Variants in CNKSR3 observed in about 807,000 individuals in gnomAD.
CNKSR3 encodes connector enhancer of kinase suppressor of ras 3.
A neutral mutation model predicts 67.7 loss-of-function variants in CNKSR3; 36 were observed. The observed-to-expected ratio is 0.53, with a 90% confidence interval of 0.41 to 0.70. The LOEUF is 0.70. Ranked by LOEUF, CNKSR3 falls within the 30% of genes least tolerant of loss-of-function variation. The pLI is 0.00. For missense variants in CNKSR3, 630 were observed against 695.2 expected, an observed-to-expected ratio of 0.91 and a Z score of 1.05; for synonymous variants, 281 against 271.4, an observed-to-expected ratio of 1.04 and a Z score of -0.35.
chr6:154,457,624 T>C (rs542798554), intron 1 of CNKSR3, among the ~76,000 whole-genome samples: 4 of 152,308 alleles, frequency 2.6e-5, no homozygotes, highest in Non-Finnish European at 5.9e-5. Context: ...CATTCTGTTC[T>C]GTCATTTGTC....
rs528794873 is a variant in CNKSR3, at chr6:154,475,432, G to A, written c.53-25174C>T. ...CATGAAGTTTTCACGCCCCCTCCCC[G>A]GTGGAAATGGTCACCTCCTCCATCT... On this transcript the variant is annotated intron_variant, in intron 1 of 12. Coordinates refer to ENST00000607772, the MANE Select transcript of CNKSR3 (RefSeq NM_173515.4). 1.1e-4 allele frequency among the ~76,000 whole-genome samples: 16 copies of A among 152,172 alleles called. No individual in the cohort carries two copies. The South Asian group carries it at 1.2e-3, about 12-fold the overall frequency.
intron 1 of CNKSR3, among the ~76,000 whole-genome samples, chr6:154,492,615 G>A (rs1786801941): frequency 6.6e-6 from 1 of 151,888 alleles, no homozygotes; most frequent in Non-Finnish European, 1.5e-5. Flanking sequence ...GCGTGATGAT[G>A]CATACCTGTA....
At chr6:154,429,416 C>A (rs1426211715) in intron 6 of CNKSR3, among the ~76,000 whole-genome samples, 1 of 152,212 alleles carries the variant, frequency 6.6e-6, no homozygotes, top group East Asian at 1.9e-4. Flanking sequence ...CTCCCCCTCC[C>A]AGGGCATTGC....
chr6:154,486,313 T>TTTA (rs1786664748), intron 1 of CNKSR3, among the ~76,000 whole-genome samples: 1 of 150,838 alleles, frequency 6.6e-6, no homozygotes, highest in African/African-American at 2.4e-5. Flanking sequence ...TTTTTTTTTT[T>TTTA]TAGACGGAGT....
At chr6:154,414,685 C>G (rs778582496) in intron 9 of CNKSR3, 1 of 574,058 alleles carries the variant, frequency 1.7e-6, no homozygotes. Context: ...GACTCTAGCT[C>G]TGAGCAAATC....
intron 2 of CNKSR3, among the ~76,000 whole-genome samples, chr6:154,444,905 G>A (rs911207685): frequency 6.6e-6 from 1 of 152,104 alleles, no homozygotes; most frequent in Non-Finnish European, 1.5e-5. Flanking sequence ...GCACCCGGCT[G>A]TGGAGAAACT....
At chr6:154,419,997 G>A (rs1319584845) in intron 9 of CNKSR3, among the ~76,000 whole-genome samples, 3 of 152,030 alleles carry the variant, frequency 2.0e-5, no homozygotes, top group South Asian at 2.1e-4. Flanking sequence ...CAGGAGAATC[G>A]CTTGAACCTG....
In CNKSR3 at chr6:154,415,448, C is replaced by G. The variant is rs565691223; in HGVS notation, c.946-1025G>C. 2.0e-5 allele frequency among the ~76,000 whole-genome samples: 3 copies of G among 152,180 alleles called. No homozygotes were observed. The South Asian group carries it at 6.2e-4, about 32-fold the overall frequency. ...GTTTTGCCATGTTGGCCAGGCTGGT[C>G]TCAAACTCCTGACCACAGGTGATCC... On this transcript the variant is annotated intron_variant, in intron 9 of 12. Transcript: ENST00000607772.
intron 1 of CNKSR3, among the ~76,000 whole-genome samples, chr6:154,490,056 CT>C (rs752268478): frequency 1.3e-5 from 2 of 152,004 alleles, no homozygotes; most frequent in Non-Finnish European, 2.9e-5. Flanking sequence ...ACTCCCATCT[CT>C]TTTTTTTAGC....
chr6:154,461,523 C>T (rs1439490175), intron 1 of CNKSR3, among the ~76,000 whole-genome samples: 2 of 152,206 alleles, frequency 1.3e-5, no homozygotes, highest in South Asian at 4.1e-4. Context: ...GGCCTGGATT[C>T]AGCTCTACCA....
At position 154,392,726 on chromosome 6, in the gene CNKSR3, G is replaced by C. The variant is rs36077367; in HGVS notation, c.*13628C>G. The C allele has an allele frequency of 0.11, 16,253 of 152,304 alleles. 1,174 individuals are homozygous for C. Among genetic ancestry groups the C allele is most frequent in the Admixed American group, 0.24 (3,680 of 15,290 alleles). The allele number at this position is 152,304 out of a possible 1,614,324, so 9.4% of individuals were successfully genotyped here. ...GATGTTTGGGGAACAAGGAGCCCTT[G>C]CCTCCCCTGACGGCAGCAGCAGAAT... On this transcript the variant is annotated 3_prime_UTR_variant, in exon 13 of 13. Transcript: ENST00000607772.
intron 4 of CNKSR3, among the ~76,000 whole-genome samples, chr6:154,439,290 C>G (rs1785534375): frequency 6.6e-6 from 1 of 152,158 alleles, no homozygotes; most frequent in African/African-American, 2.4e-5. Flanking sequence ...ACTCTGGTAT[C>G]CCAGGGCAGC....
At chr6:154,411,526 T>C (rs140914697) in intron 10 of CNKSR3, among the ~76,000 whole-genome samples, 2,649 of 149,876 alleles carry the variant, frequency 0.018, 85 homozygotes, top group African/African-American at 0.062. Flanking sequence ...AGGAGCTACT[T>C]GGGAGACTGA....
At position 154,410,881 on chromosome 6, in the gene CNKSR3, G is replaced by A. The variant is rs1490357440; in HGVS notation, c.1279+53C>T. 73 of 1,398,920 alleles carry A rather than the reference G, an allele frequency of 5.2e-5. 2 individuals are homozygous for A. In the South Asian group the frequency reaches 5.4e-4, roughly 10 times the overall value. The allele number at this position is 1,398,920 out of a possible 1,614,324, so 86.7% of individuals were successfully genotyped here. ...AACAGTTCCAACTAAGGCAGGGGGC[G>A]GGGAGGAGAAGTCAAGGCCAACGGC... On this transcript the variant is annotated intron_variant, in intron 11 of 12. Coordinates refer to ENST00000607772, the MANE Select transcript of CNKSR3 (RefSeq NM_173515.4).
chr6:154,441,448 TA>T, intron 3 of CNKSR3, 69 bp from the exon 4 acceptor site: 14 of 1,098,036 alleles, frequency 1.3e-5, no homozygotes, highest in African/African-American at 1.5e-5. Context: ...TGGATGTTGG[TA>T]AGCATAGCTA....
chr6:154,448,230 T>TA (rs757996759), intron 2 of CNKSR3, among the ~76,000 whole-genome samples: 9 of 152,198 alleles, frequency 5.9e-5, no homozygotes, highest in Non-Finnish European at 8.8e-5. Context: ...AGGCAGCTGT[T>TA]ACGTTTATCA....
At chr6:154,484,097 G>C (rs1786618673) in intron 1 of CNKSR3, among the ~76,000 whole-genome samples, 1 of 152,080 alleles carries the variant, frequency 6.6e-6, no homozygotes, top group African/African-American at 2.4e-5. Context: ...TCTAGTCTAG[G>C]TCCTGCCACT....
rs199941820 is a variant in CNKSR3 at position 154,503,770 on chromosome 6, AC to A, written c.52+6292del. On this transcript the variant is annotated intron_variant, in intron 1 of 12. Transcript: ENST00000607772. ...AGGTGGTGCTTATAAATATAAGCAC[AC>A]ACCGTAAGACTGGTTTTTTACTTTA... Among the ~76,000 whole-genome samples the A allele has an allele frequency of 5.4e-3, 818 of 152,314 alleles. 7 individuals are homozygous for A. Among genetic ancestry groups the A allele is most frequent in the African/African-American group, 0.018 (769 of 41,572 alleles).
chr6:154,486,293 C>CTTTTTT (rs1307742661), intron 1 of CNKSR3, among the ~76,000 whole-genome samples: 48 of 148,050 alleles, frequency 3.2e-4, no homozygotes, highest in African/African-American at 1.2e-3. Context: ...CTCTCTCTCT[C>CTTTTTT]TTTTTCTTTT....
Sources: allele counts gnomAD v4.1 joint callset (sites outside exome capture counted in the v4.1 genomes callset), GRCh38; gene constraint gnomAD v4.1.1; transcripts MANE v1.5; gene names NCBI Gene and HGNC (gene_info 2026-07-23, HGNC 2026-07-21).